Variants in RARB observed in about 807,000 individuals in gnomAD.
RARB encodes retinoic acid receptor beta.
In RARB, 17 loss-of-function variants were observed where a neutral mutation model predicts 51.9. The observed-to-expected ratio is 0.33, with a 90% CI of 0.22 to 0.49. The LOEUF (loss-of-function observed/expected upper bound fraction) is 0.49. Among genes scored for constraint, RARB ranks in the 20% least tolerant of loss-of-function variants. RARB has a pLI of 0.99. For missense variants in RARB, 369 were observed against 550.8 expected, an observed-to-expected ratio of 0.67 and a Z score of 3.30; for synonymous variants, 215 against 195.4, an observed-to-expected ratio of 1.10 and a Z score of -0.84.
intron 5 of RARB, among the ~76,000 whole-genome samples, chr3:25,201,309 A>C (rs1273537474): frequency 1.3e-5 from 2 of 152,196 alleles, no homozygotes; most frequent in African/African-American, 4.8e-5. Flanking sequence ...GAAGTTGCTT[A>C]TCAGCTTAAG....
chr3:25,562,188 G>A (rs764160964), intron 3 of RARB, among the ~76,000 whole-genome samples: 11 of 151,874 alleles, frequency 7.2e-5, no homozygotes, highest in Non-Finnish European at 1.3e-4. Flanking sequence ...TTGGCACAGC[G>A]AAGAATTTCC....
In RARB at chr3:25,116,524, C is replaced by T. The variant is rs780053529; in HGVS notation, c.-327-15637C>T. Among the ~76,000 whole-genome samples, 211 of 152,152 alleles carry T rather than the reference C, an allele frequency of 1.4e-3. 3 individuals are homozygous for T. Among genetic ancestry groups the T allele is most frequent in the South Asian group, 8.3e-4 (4 of 4,824 alleles). On this transcript the variant is annotated intron_variant, in intron 3 of 11. Coordinates refer to the RARB transcript ENST00000383772. Reference sequence around the variant, plus strand: ...CTACTTAATGTTTTCAGTCCAAGAGCGGAGGTCTATGATGCTGTCTTTTTT... The same window carrying T: ...CTACTTAATGTTTTCAGTCCAAGAGTGGAGGTCTATGATGCTGTCTTTTTT...
rs143927448 is a variant in RARB, at chr3:25,166,583, G to GA, written c.-279-7530dup. Among the ~76,000 whole-genome samples, 836 of 152,220 alleles carry GA rather than the reference G, an allele frequency of 5.5e-3. 20 individuals carry two copies. In the East Asian group the frequency reaches 0.067, roughly 12 times the overall value. On this transcript the variant is annotated intron_variant, in intron 4 of 11. Coordinates refer to the RARB transcript ENST00000383772. ...TTGTTGTACTCTATCACAAGACATT[G>GA]AAAAAATCTCTCTTTTTCACTTATT...
intron 2 of RARB, among the ~76,000 whole-genome samples, chr3:25,054,182 T>C (rs1020174236): frequency 6.6e-6 from 1 of 152,218 alleles, no homozygotes; most frequent in African/African-American, 2.4e-5. Context: ...TGTAGACTCA[T>C]AGACAAGCCT....
exon 5 of RARB, chr3:25,174,509 C>G: frequency 7.4e-7 from 1 of 1,352,134 alleles, no homozygotes; most frequent in Non-Finnish European, 9.8e-7. Flanking sequence ...AGGACTTTCC[C>G]TGCCTCCCCT....
intron 1 of RARB, among the ~76,000 whole-genome samples, chr3:25,449,896 C>T (rs139901743): frequency 7.8e-4 from 119 of 152,092 alleles, no homozygotes; most frequent in Middle Eastern, 3.4e-3. Flanking sequence ...AGATTACAGG[C>T]GCACGCCACC....
At chr3:25,323,107 C>T (rs1209013825) in intron 5 of RARB, among the ~76,000 whole-genome samples, 2 of 152,130 alleles carry the variant, frequency 1.3e-5, no homozygotes, top group Non-Finnish European at 2.9e-5. Flanking sequence ...CTCCATTGGC[C>T]TCTCTCCAAC....
intron 3 of RARB, among the ~76,000 whole-genome samples, chr3:25,564,298 T>C (rs1460387735): frequency 6.6e-6 from 1 of 152,260 alleles, no homozygotes; most frequent in Non-Finnish European, 1.5e-5. Flanking sequence ...CCACCAAATC[T>C]GATTTGTAGC....
At chr3:24,997,311 A>G (rs1257875422) in intron 2 of RARB, among the ~76,000 whole-genome samples, 1 of 150,440 alleles carries the variant, frequency 6.6e-6, no homozygotes, top group African/African-American at 2.4e-5. Flanking sequence ...TGCATGGAAT[A>G]TTTTTCTCCA....
chr3:25,174,369 A>G (rs761253732), exon 5 of RARB: 4 of 1,349,714 alleles, frequency 3.0e-6, no homozygotes, highest in Non-Finnish European at 3.9e-6. Flanking sequence ...CCTGCTCCAG[A>G]GCACCTTTCT....
chr3:25,386,718 C>A lies in RARB; in HGVS notation c.179-74475C>A, dbSNP rs149734608. Among the ~76,000 whole-genome samples, 94 of 152,256 alleles carry A rather than the reference C, an allele frequency of 6.2e-4. 1 individual carries two copies. In the East Asian group the frequency reaches 0.017, roughly 28 times the overall value. Reference sequence around the variant, plus strand: ...CTACTTAAGATTATGAGGAACCATGCTTTGATAAGGGGGCGATTGTTTGGC... The same window carrying A: ...CTACTTAAGATTATGAGGAACCATGATTTGATAAGGGGGCGATTGTTTGGC... On this transcript the variant is annotated intron_variant, in intron 5 of 11. Coordinates refer to the RARB transcript ENST00000383772.
intron 5 of RARB, among the ~76,000 whole-genome samples, chr3:25,242,972 C>T (rs1023122235): frequency 6.6e-6 from 1 of 152,132 alleles, no homozygotes; most frequent in African/African-American, 2.4e-5. Context: ...TTTGTGTCCT[C>T]TCTTATTTTC....
At chr3:25,267,210 G>T (rs1703147516) in intron 5 of RARB, among the ~76,000 whole-genome samples, 2 of 152,276 alleles carry the variant, frequency 1.3e-5, no homozygotes, top group African/African-American at 4.8e-5. Context: ...TTGCTTCTGT[G>T]TTTACTAAGC....
intron 2 of RARB, among the ~76,000 whole-genome samples, chr3:25,019,967 T>G (rs1042687112): frequency 1.3e-5 from 2 of 152,076 alleles, no homozygotes; most frequent in Non-Finnish European, 2.9e-5. Flanking sequence ...TATGTCATTC[T>G]TGTGCATTTA....
chr3:24,872,283 T>G (rs950559903), intron 2 of RARB, among the ~76,000 whole-genome samples: 1 of 152,202 alleles, frequency 6.6e-6, no homozygotes, highest in African/African-American at 2.4e-5. Context: ...GAAGGCAGGC[T>G]TCTGCCTTGC....
chr3:25,389,930 A>T (rs1706902496), intron 5 of RARB, among the ~76,000 whole-genome samples: 1 of 152,202 alleles, frequency 6.6e-6, no homozygotes, highest in Non-Finnish European at 1.5e-5. Flanking sequence ...AGTGATGTAG[A>T]TAGCAAAAGG....
chr3:25,438,716 T>G (rs933528257), intron 1 of RARB, among the ~76,000 whole-genome samples: 3 of 152,206 alleles, frequency 2.0e-5, no homozygotes, highest in Admixed American at 2.0e-4. Flanking sequence ...CTTCAGGAGT[T>G]GTCATCCTGT....
intron 5 of RARB, among the ~76,000 whole-genome samples, chr3:25,211,106 CA>C (rs769615129): frequency 2.6e-5 from 4 of 152,106 alleles, no homozygotes; most frequent in Non-Finnish European, 5.9e-5. Context: ...AAGCTGTTAA[CA>C]AATATTAACT....
At chr3:25,135,522 G>T (rs1041796540) in intron 4 of RARB, among the ~76,000 whole-genome samples, 3 of 151,930 alleles carry the variant, frequency 2.0e-5, no homozygotes, top group East Asian at 3.9e-4. Context: ...ATATTATGTT[G>T]CAAATGATTT....
Sources: gnomAD v4.1 joint callset for allele counts (sites outside exome capture counted in the v4.1 genomes callset) on GRCh38, gnomAD v4.1.1 for gene constraint, MANE v1.5 for transcripts, NCBI Gene and HGNC (gene_info 2026-07-23, HGNC 2026-07-21) for gene names.